TRAF7: variants seen among roughly 807,000 people sequenced by gnomAD.
The protein encoded by TRAF7 is TNF receptor associated factor 7, also known as E3 ubiquitin-protein ligase TRAF7.
Under a neutral mutation model 89.3 loss-of-function variants are expected in TRAF7, and 45 were observed. That is an observed-to-expected ratio of 0.50 (90% CI 0.40 to 0.65). The LOEUF (loss-of-function observed/expected upper bound fraction) is 0.65, where lower values mean the gene tolerates loss of function less well. Ranked by LOEUF, TRAF7 falls within the 30% of genes least tolerant of loss-of-function variation. TRAF7 has a pLI of 0.00. For synonymous variants in TRAF7, 406 were observed against 369.2 expected (o/e 1.10, Z -1.14); for missense variants, 677 against 918.1 (o/e 0.74, Z 3.39).
Position 2,161,284 on chromosome 16 carries a change from G to A in TRAF7, c.-38-2599G>A, listed in dbSNP as rs939386683. 1.4e-4 allele frequency among the ~76,000 whole-genome samples: 21 copies of A among 150,426 alleles called. No individual in the cohort carries two copies. The highest frequency in any genetic ancestry group is 1.2e-3 in the Admixed American group (18 of 15,084). ...CCGTCCCCCTCAGCTGGCGCTCGAT[G>A]GGGTCTTGCGCACACCCCACAGATC... On this transcript the variant is annotated intron_variant, in intron 1 of 20. Transcript: ENST00000326181. This position sits in a 1 kb window ranked among gnomAD's most constrained non-coding sequence, Gnocchi z 5.2.
At position 2,165,898 on chromosome 16, in the gene TRAF7, T is replaced by G; in HGVS notation, c.101T>G (p.Phe34Cys). ...CTCTAGACCAGAATGGAAACGACCT[T>G]CGGACCCGCCTTTTCAGCCGTCACC... ...VTTGTRMETT[F>C]GPAFSAVTTI... Residue 34 changes from phenylalanine to cysteine, a missense_variant, in exon 3 of 21, where the codon TTC (phenylalanine) becomes TGC (cysteine). By Grantham distance (205) the Phe-to-Cys change is radical. Transcript: ENST00000326181. 1 of 1,614,100 alleles carries G rather than the reference T, an allele frequency of 6.2e-7. No individual in the cohort carries two copies. Among genetic ancestry groups the G allele is most frequent in the Non-Finnish European group, 8.5e-7 (1 of 1,179,962 alleles).
chr16:2,173,309 A>G lies in TRAF7; in HGVS notation c.922A>G (p.Lys308Glu). 1.2e-6 allele frequency: 2 copies of G among 1,613,580 alleles called. No homozygotes were observed. The highest frequency in any genetic ancestry group is 1.7e-6 in the Non-Finnish European group (2 of 1,179,972). Reference sequence around the variant, plus strand: ...CGAGATGCACGTGGCTCTGGCCCAGAAGGACCAGGAGATCGCCTTCCTGCG... The same window carrying G: ...CGAGATGCACGTGGCTCTGGCCCAGGAGGACCAGGAGATCGCCTTCCTGCG... Reference protein sequence around the residue: ...FHEMHVALAQKDQEIAFLRSM... With the variant: ...FHEMHVALAQEDQEIAFLRSM... Residue 308 changes from lysine to glutamate, a missense_variant, in exon 10 of 21, where the codon AAG (lysine) becomes GAG (glutamate). By Grantham distance (56) the Lys-to-Glu change is moderately conservative. Coordinates refer to ENST00000326181, the MANE Select transcript of TRAF7 (RefSeq NM_032271.3).
intron 12 of TRAF7, 38 bp downstream of exon 12, chr16:2,173,874 C>G: frequency 6.2e-7 from 1 of 1,609,084 alleles, no homozygotes; most frequent in South Asian, 1.1e-5. Context: ...CCCACCCTCC[C>G]CCCCGGGCCC....
At position 2,155,798 on chromosome 16, in the gene TRAF7, G is replaced by A. The variant is rs9936649; in HGVS notation, c.-99G>A. On this transcript the variant is annotated 5_prime_UTR_variant, in exon 1 of 21. Coordinates refer to ENST00000326181, the MANE Select transcript of TRAF7 (RefSeq NM_032271.3). Reference sequence around the variant, plus strand: ...GCGTCTAGTCCCTTTCCCGGCCGGCGGCCGAGGGGGCATCATGAAGCGGGC... The same window carrying A: ...GCGTCTAGTCCCTTTCCCGGCCGGCAGCCGAGGGGGCATCATGAAGCGGGC... 6.6e-6 allele frequency: 1 copy of A among 151,694 alleles called. No individual in the cohort carries two copies. The highest frequency in any genetic ancestry group is 2.4e-5 in the African/African-American group (1 of 41,362). The allele number at this position is 151,694 out of a possible 1,614,324, so 9.4% of individuals were successfully genotyped here.
intron 3 of TRAF7, among the ~76,000 whole-genome samples, chr16:2,166,841 GC>G (rs1010909565): frequency 1.3e-5 from 2 of 152,262 alleles, no homozygotes; most frequent in Non-Finnish European, 2.9e-5. Flanking sequence ...GGGAGACCAT[GC>G]GGAAGTGGCA....
At chr16:2,172,067 C>A in intron 7 of TRAF7, 124 bp from the exon 8 acceptor site, 1 of 1,177,032 alleles carries the variant, frequency 8.5e-7, no homozygotes, top group South Asian at 1.4e-5. Context: ...TGCCCCCGTT[C>A]CCATGTTGCG....
chr16:2,176,718 C>T lies in TRAF7; in HGVS notation c.*144C>T, dbSNP rs1448268611. On this transcript the variant is annotated 3_prime_UTR_variant, in exon 21 of 21. Coordinates refer to ENST00000326181, the MANE Select transcript of TRAF7 (RefSeq NM_032271.3). ...TCTGGCAGCCGGGCAGTGCCCTCCC[C>T]GTCCCATGCTCGGCGAGCCTCCCTC... The T allele has an allele frequency of 2.1e-5, 26 of 1,231,756 alleles. No homozygotes were observed. Among genetic ancestry groups the T allele is most frequent in the Non-Finnish European group, 2.7e-5 (23 of 860,138 alleles). 76.3% of individuals were successfully genotyped at this position (1,231,756 alleles called of 1,614,324 possible). A position where few individuals can be genotyped will look rare whatever the true frequency, so the allele number is the denominator to read the frequency against.
intron 14 of TRAF7, 62 bp from the exon 15 acceptor site, chr16:2,175,049 C>G (rs982620184): frequency 1.2e-6 from 2 of 1,608,264 alleles, no homozygotes; most frequent in Non-Finnish European, 8.5e-7. Flanking sequence ...CGGGCCCTGC[C>G]AGGGCGGTGT....
chr16:2,167,029 C>T (rs1001470352), intron 3 of TRAF7, among the ~76,000 whole-genome samples: 2 of 152,222 alleles, frequency 1.3e-5, no homozygotes, highest in Admixed American at 6.5e-5. Flanking sequence ...GCCAAGGACA[C>T]CTGCTTACAG....
intron 6 of TRAF7, 29 bp downstream of exon 6, chr16:2,171,385 T>C: frequency 6.5e-7 from 1 of 1,543,124 alleles, no homozygotes. Context: ...CCAGCCCCCC[T>C]GCTGCCAGAG....
rs1272804190 is a variant in TRAF7 at position 2,161,576 on chromosome 16, A to C, written c.-38-2307A>C. Among the ~76,000 whole-genome samples, 1 of 152,084 alleles carries C rather than the reference A, an allele frequency of 6.6e-6. No individual in the cohort carries two copies. The highest frequency in any genetic ancestry group is 1.5e-5 in the Non-Finnish European group (1 of 67,994). ...TGGCCCTGGGGCCCCGGAAGCTTGC[A>C]GTACAGGGAGCTGATGGGTTTGTAA... is the stretch of plus-strand genomic sequence containing the variant. On this transcript the variant is annotated intron_variant, in intron 1 of 20. Transcript: ENST00000326181. This position sits in a 1 kb window ranked among gnomAD's most constrained non-coding sequence, Gnocchi z 5.2.
rs951238331 is a variant in TRAF7 at position 2,162,377 on chromosome 16, G to A, written c.-38-1506G>A. Among the ~76,000 whole-genome samples the A allele has an allele frequency of 3.3e-5, 5 of 152,152 alleles. No homozygotes were observed. Among genetic ancestry groups the A allele is most frequent in the South Asian group, 2.1e-4 (1 of 4,838 alleles). On this transcript the variant is annotated intron_variant, in intron 1 of 20. Coordinates refer to ENST00000326181, the MANE Select transcript of TRAF7 (RefSeq NM_032271.3). This position sits in a 1 kb window ranked among gnomAD's most constrained non-coding sequence, Gnocchi z 5.0. ...GGGCCCCAGGCCAGACTGTGGGCAC[G>A]GTGGTGGGTGATGAGTGGCATCTTG...
At chr16:2,164,155 T>TGC (rs1308141975) in intron 2 of TRAF7, among the ~76,000 whole-genome samples, 154 bp downstream of exon 2, 5 of 130,538 alleles carry the variant, frequency 3.8e-5, no homozygotes, top group East Asian at 2.2e-4. Flanking sequence ...TGTGTGTGTG[T>TGC]GTGTGCGCGC....
rs1210070747 is a variant in TRAF7 at position 2,168,073 on chromosome 16, G to A, written c.140-4G>A. 7 of 1,610,696 alleles carry A rather than the reference G, an allele frequency of 4.3e-6. No homozygotes were observed. In the South Asian group the frequency reaches 6.6e-5, roughly 15 times the overall value. The stretch of plus-strand genomic sequence containing the variant: ...ACTGAGACGCCAGCCCTCTTGCCTT[G>A]CAGCTGACGGGACCAGCACCTACAA... On this transcript the variant is annotated splice_polypyrimidine_tract_variant and splice_region_variant and intron_variant, in intron 3 of 20. Coordinates refer to ENST00000326181, the MANE Select transcript of TRAF7 (RefSeq NM_032271.3). The surrounding 1 kb of genome is among the most constrained non-coding windows in gnomAD (Gnocchi z 4.1).
At chr16:2,171,143 C>T in intron 5 of TRAF7, 121 bp from the exon 6 acceptor site, 1 of 778,560 alleles carries the variant, frequency 1.3e-6, no homozygotes, top group Admixed American at 2.3e-5. Flanking sequence ...AGGCCTCTCT[C>T]AGGACGTGAC....
rs780219733 is a variant in TRAF7 at position 2,172,453 on chromosome 16, G to A, written c.660-12G>A. On this transcript the variant is annotated splice_polypyrimidine_tract_variant and intron_variant, in intron 8 of 20. Coordinates refer to ENST00000326181, the MANE Select transcript of TRAF7 (RefSeq NM_032271.3). ...TCTGGCTGAGGCCTCCCCGCATCCC[G>A]CCCTGGCACAGGGACCACGAGGGCA... 24 of 1,610,348 alleles carry A rather than the reference G, an allele frequency of 1.5e-5. No homozygotes were observed. The highest frequency in any genetic ancestry group is 5.3e-5 in the African/African-American group (4 of 74,892).
At chr16:2,164,115 G>T in intron 2 of TRAF7, 114 bp downstream of exon 2, 3 of 946,796 alleles carry the variant, frequency 3.2e-6, no homozygotes, top group Non-Finnish European at 4.7e-6. Flanking sequence ...TGGGGTCTCA[G>T]GGGAGCTCGG....
At chr16:2,171,117 C>T (rs2141285171) in intron 5 of TRAF7, 147 bp from the exon 6 acceptor site, 4 of 660,688 alleles carry the variant, frequency 6.1e-6, no homozygotes, top group East Asian at 5.5e-5. Context: ...CCCGATCAAG[C>T]CCCCCAGCTC....
At position 2,156,356 on chromosome 16, in the gene TRAF7, C is replaced by T. The variant is rs2093034442; in HGVS notation, c.-39+498C>T. On this transcript the variant is annotated intron_variant, in intron 1 of 20. Coordinates refer to ENST00000326181, the MANE Select transcript of TRAF7 (RefSeq NM_032271.3). ...GTAAACACCACCCCTTCCTCAATTG[C>T]GATAACAAATGTCTCCATGCATTGG... Among the ~76,000 whole-genome samples the T allele has an allele frequency of 2.6e-5, 4 of 152,186 alleles. No homozygotes were observed. The South Asian group carries it at 8.3e-4, about 31-fold the overall frequency.
Sources: gnomAD v4.1 joint callset for allele counts (sites outside exome capture counted in the v4.1 genomes callset) on GRCh38, gnomAD v4.1.1 for gene constraint, Gnocchi (gnomAD v3.1) non-coding constraint, MANE v1.5 for transcripts, NCBI Gene and HGNC (gene_info 2026-07-23, HGNC 2026-07-21) for gene names.